The following GALNTL6 variants were observed in gnomAD, a reference collection of about 807,000 sequenced individuals.
GALNTL6 encodes the protein polypeptide N-acetylgalactosaminyltransferase-like 6.
GALNTL6 carries 46 observed loss-of-function variants against 73.7 expected under a neutral mutation model. The ratio of observed to expected loss-of-function variants is 0.62; its 90% CI spans 0.49 to 0.80. The LOEUF (loss-of-function observed/expected upper bound fraction) is 0.80. GALNTL6 is among the 30% of genes least tolerant of loss of function. The probability of loss-of-function intolerance (pLI) is 0.00; values close to 1 mark genes in which losing one functional copy is unlikely to be tolerated. For missense variants in GALNTL6, 604 were observed against 755.0 expected (o/e 0.80, Z 2.34); for synonymous variants, 259 against 263.7 (o/e 0.98, Z 0.17).
chr4:172,876,222 T>C (rs143994066), intron 7 of GALNTL6, among the ~76,000 whole-genome samples: 33 of 152,356 alleles, frequency 2.2e-4, no homozygotes, highest in African/African-American at 7.9e-4. Context: ...AACAGTATTA[T>C]ATGTCATTAT....
At chr4:172,162,539 C>T (rs545321188) in intron 2 of GALNTL6, among the ~76,000 whole-genome samples, 3 of 151,568 alleles carry the variant, frequency 2.0e-5, no homozygotes, top group South Asian at 4.2e-4. Context: ...AAGGGGGTCA[C>T]GAGGAAACCT....
chr4:172,296,261 C>T (rs1044661581), intron 3 of GALNTL6, among the ~76,000 whole-genome samples: 2 of 151,976 alleles, frequency 1.3e-5, no homozygotes, highest in African/African-American at 4.8e-5. Context: ...CTGTGGTGAA[C>T]TATGTATTTA....
At chr4:172,973,776 A>C (rs1750684149) in intron 10 of GALNTL6, among the ~76,000 whole-genome samples, 1 of 152,180 alleles carries the variant, frequency 6.6e-6, no homozygotes, top group African/African-American at 2.4e-5. Flanking sequence ...TTTGCCTACC[A>C]CTTTCACGCT....
intron 2 of GALNTL6, among the ~76,000 whole-genome samples, chr4:172,078,796 T>C (rs1035938524): frequency 2.6e-5 from 4 of 152,206 alleles, no homozygotes; most frequent in African/African-American, 9.6e-5. Flanking sequence ...GAAATAAACA[T>C]TTCCAATTTT....
rs17058388 is a variant in GALNTL6, at chr4:172,402,876, C to T, written c.553+54187C>T. Among the ~76,000 whole-genome samples the T allele has an allele frequency of 8.1e-3, 1,226 of 152,114 alleles. 11 individuals are homozygous for T. Among genetic ancestry groups the T allele is most frequent in the African/African-American group, 0.028 (1,157 of 41,526 alleles). Reference sequence around the variant, plus strand: ...TACTATACAGAAAAACGAATGAATACAGATCAGCACATCTTGCAAAGTATT... The same window carrying T: ...TACTATACAGAAAAACGAATGAATATAGATCAGCACATCTTGCAAAGTATT... On this transcript the variant is annotated intron_variant, in intron 5 of 12. Coordinates refer to ENST00000506823, the MANE Select transcript of GALNTL6 (RefSeq NM_001034845.3).
At chr4:172,491,406 T>G (rs1733889045) in intron 5 of GALNTL6, among the ~76,000 whole-genome samples, 1 of 152,112 alleles carries the variant, frequency 6.6e-6, no homozygotes, top group African/African-American at 2.4e-5. Context: ...AATTACATTT[T>G]GATGACTAGT....
At chr4:172,481,590 G>C (rs1733476500) in intron 5 of GALNTL6, among the ~76,000 whole-genome samples, 1 of 151,380 alleles carries the variant, frequency 6.6e-6, no homozygotes, top group South Asian at 2.1e-4. Context: ...GTGCTGATTG[G>C]TGTGTTTACA....
chr4:172,145,344 G>C (rs2110747924), intron 2 of GALNTL6, among the ~76,000 whole-genome samples: 1 of 152,210 alleles, frequency 6.6e-6, no homozygotes, highest in African/African-American at 2.4e-5. Context: ...GTTTCACCGT[G>C]TTAGCCAGAA....
chr4:172,180,096 C>G (rs1285567913), intron 2 of GALNTL6, among the ~76,000 whole-genome samples: 1 of 152,212 alleles, frequency 6.6e-6, no homozygotes, highest in Non-Finnish European at 1.5e-5. Flanking sequence ...TCCACATCCT[C>G]TCCAGCATCT....
At chr4:172,222,337 A>G (rs529644762) in intron 2 of GALNTL6, among the ~76,000 whole-genome samples, 1 of 22,822 alleles carries the variant, frequency 4.4e-5, no homozygotes, top group African/African-American at 1.8e-4. Flanking sequence ...ATTCACATTA[A>G]TATAGTTATT....
chr4:172,374,556 T>A (rs1742955023), intron 5 of GALNTL6, among the ~76,000 whole-genome samples: 2 of 152,190 alleles, frequency 1.3e-5, no homozygotes, highest in Non-Finnish European at 2.9e-5. Context: ...ATGGTAGACA[T>A]CATTGAGTAA....
intron 5 of GALNTL6, among the ~76,000 whole-genome samples, chr4:172,588,109 T>C: frequency 6.6e-6 from 1 of 152,102 alleles, no homozygotes; most frequent in East Asian, 1.9e-4. Flanking sequence ...AGAATGCTTA[T>C]GGGAAAAAGA....
chr4:171,840,725 A>G (rs1215274424), intron 2 of GALNTL6, among the ~76,000 whole-genome samples: 1 of 152,146 alleles, frequency 6.6e-6, no homozygotes, highest in African/African-American at 2.4e-5. Flanking sequence ...GTGTAACAAT[A>G]TATAACTTTC....
At chr4:172,218,266 T>TAA (rs905997603) in intron 2 of GALNTL6, among the ~76,000 whole-genome samples, 5 of 152,236 alleles carry the variant, frequency 3.3e-5, no homozygotes, top group African/African-American at 1.2e-4. Flanking sequence ...AAGACTCTAG[T>TAA]AAAGTCTTTT....
intron 5 of GALNTL6, among the ~76,000 whole-genome samples, chr4:172,567,984 T>A (rs898196818): frequency 5.9e-5 from 9 of 152,208 alleles, no homozygotes; most frequent in African/African-American, 2.2e-4. Context: ...ATTTCCTTAG[T>A]TGATATAGAT....
rs1470441601 is a variant in GALNTL6 at position 172,013,519 on chromosome 4, TAA to T, written c.138+198803_138+198804del. On this transcript the variant is annotated intron_variant, in intron 2 of 12. Coordinates refer to ENST00000506823, the MANE Select transcript of GALNTL6 (RefSeq NM_001034845.3). ...TCTTTTTTTAAGATTAACTAGTATA[TAA>T]ATGTTTATATATTTCACATTTCTCT... 2.0e-5 allele frequency among the ~76,000 whole-genome samples: 3 copies of T among 152,084 alleles called. No individual in the cohort carries two copies. In the East Asian group the frequency reaches 5.8e-4, roughly 29 times the overall value.
chr4:172,234,289 A>T (rs1294090628), intron 3 of GALNTL6, among the ~76,000 whole-genome samples: 1 of 152,152 alleles, frequency 6.6e-6, no homozygotes, highest in Non-Finnish European at 1.5e-5. Flanking sequence ...CTGCAGTGTA[A>T]CATTGAATAG....
intron 2 of GALNTL6, among the ~76,000 whole-genome samples, chr4:172,176,899 T>C (rs1448321775): frequency 6.6e-6 from 1 of 152,182 alleles, no homozygotes; most frequent in Non-Finnish European, 1.5e-5. Flanking sequence ...AAACAGCTTA[T>C]TAATTATATA....
intron 2 of GALNTL6, among the ~76,000 whole-genome samples, chr4:172,037,271 C>T (rs1741953928): frequency 6.6e-6 from 1 of 152,122 alleles, no homozygotes. Context: ...AATCAATAAA[C>T]TGCTGAGACT....
Sources: allele counts gnomAD v4.1 joint callset (sites outside exome capture counted in the v4.1 genomes callset), GRCh38; gene constraint gnomAD v4.1.1; transcripts MANE v1.5; gene names NCBI Gene and HGNC (gene_info 2026-07-23, HGNC 2026-07-21).